Variants in BICRAL observed in about 807,000 individuals in gnomAD.
BICRAL encodes BRD4-interacting chromatin-remodeling complex-associated protein-like.
In BICRAL, 8 loss-of-function variants were observed where a neutral mutation model predicts 91.8. That is an observed-to-expected ratio of 0.09 (90% CI 0.05 to 0.16). The LOEUF (loss-of-function observed/expected upper bound fraction) is 0.16. BICRAL is among the 10% of genes least tolerant of loss of function. BICRAL has a pLI of 1.00. For synonymous variants in BICRAL, 445 were observed against 491.1 expected (o/e 0.91, Z 1.24); for missense variants, 1,038 against 1,310.9 (o/e 0.79, Z 3.21).
chr6:42,867,466 C>G lies in BICRAL; in HGVS notation c.*2020C>G, dbSNP rs1274849259. 1 of 152,760 alleles carries G rather than the reference C, an allele frequency of 6.5e-6. No homozygotes were observed. The highest frequency in any genetic ancestry group is 2.4e-5 in the African/African-American group (1 of 41,410). 9.5% of individuals were successfully genotyped at this position (152,760 alleles called of 1,614,324 possible). On this transcript the variant is annotated 3_prime_UTR_variant, in exon 13 of 13. Transcript: ENST00000314073. ...AGTTGGTACTTTCTGTTTGGGTAGT[C>G]CTAGGGTAACACCCTGCCCTAAACT...
chr6:42,825,111 T>C (rs536416174), intron 5 of BICRAL, among the ~76,000 whole-genome samples: 1 of 150,396 alleles, frequency 6.6e-6, no homozygotes, highest in Non-Finnish European at 1.5e-5. Context: ...ATGCAAAAAA[T>C]TAGCCGGGCG....
rs745695146 is a variant in BICRAL, at chr6:42,867,507, C to T, written c.*2061C>T. ...GCCCTAAACTCCATGATTTCATAGG[C>T]TTTTCTTCCCTTGGGGCTCATGCTC... is the stretch of plus-strand genomic sequence containing the variant. On this transcript the variant is annotated 3_prime_UTR_variant, in exon 13 of 13. Transcript: ENST00000314073. 2.6e-5 allele frequency: 4 copies of T among 152,572 alleles called. No homozygotes were observed. Among genetic ancestry groups the T allele is most frequent in the Non-Finnish European group, 5.9e-5 (4 of 68,040 alleles). 9.5% of individuals were successfully genotyped at this position (152,572 alleles called of 1,614,324 possible).
At position 42,802,425 on chromosome 6, in the gene BICRAL, T is replaced by TGTTG. The variant is rs1303116527; in HGVS notation, c.-101-7881_-101-7880insGTTG. ...TTGGCTCTTTCAGCTTTTCGTGTTTTTTTTTGTTGTTGTTGTTGTTGTTGT... is the reference window on the plus strand; with the variant it reads ...TTGGCTCTTTCAGCTTTTCGTGTTTTGTTGTTTTTGTTGTTGTTGTTGTTGTTGT... On this transcript the variant is annotated intron_variant, in intron 1 of 12. Coordinates refer to ENST00000314073, the MANE Select transcript of BICRAL (RefSeq NM_001393499.1). Among the ~76,000 whole-genome samples, 128 of 130,590 alleles carry TGTTG rather than the reference T, an allele frequency of 9.8e-4. 1 individual carries two copies. The highest frequency in any genetic ancestry group is 3.6e-3 in the African/African-American group (119 of 32,692). The allele number at this position is 130,590 out of a possible 152,430, so 85.7% of individuals were successfully genotyped here.
rs530634436 is a variant in BICRAL, at chr6:42,766,713, C to T, written c.-260-15126C>T. Among the ~76,000 whole-genome samples the T allele has an allele frequency of 3.9e-5, 6 of 151,960 alleles. 1 individual carries two copies. In the East Asian group the frequency reaches 1.2e-3, roughly 29 times the overall value. ...AATTAGCTGGGTGTGGTGGTGAGCA[C>T]CAGTAATCCGAGCTACTCGGGAGTC... On this transcript the variant is annotated intron_variant, in intron 1 of 14. Transcript: ENST00000614467.
At chr6:42,857,577 C>T (rs1259529901) in intron 10 of BICRAL, among the ~76,000 whole-genome samples, 1 of 128,950 alleles carries the variant, frequency 7.8e-6, no homozygotes, top group Non-Finnish European at 1.6e-5. Context: ...CCTGCCTGGG[C>T]AACATAGGGA....
intron 6 of BICRAL, among the ~76,000 whole-genome samples, chr6:42,838,965 A>C (rs1478526673): frequency 1.3e-5 from 2 of 151,766 alleles, no homozygotes; most frequent in Non-Finnish European, 2.9e-5. Flanking sequence ...TGTCTCAAAA[A>C]AATAAATAAC....
chr6:42,836,189 T>A (rs1764633213), intron 6 of BICRAL, among the ~76,000 whole-genome samples: 1 of 152,186 alleles, frequency 6.6e-6, no homozygotes, highest in Non-Finnish European at 1.5e-5. Flanking sequence ...ATTTTATATA[T>A]GTATGTATTG....
At position 42,845,222 on chromosome 6, in the gene BICRAL, T is replaced by G. The variant is rs1397568858; in HGVS notation, c.1840-6870T>G. ...TTTTTTTTTTTTTTTTTTTTTTTTT[T>G]TTTTTTTTTTTTTTTTTTTTTTTTT... On this transcript the variant is annotated intron_variant, in intron 6 of 12. Transcript: ENST00000314073. Among the ~76,000 whole-genome samples, 145 of 86,334 alleles carry G rather than the reference T, an allele frequency of 1.7e-3. 3 individuals carry two copies. The highest frequency in any genetic ancestry group is 6.4e-3 in the African/African-American group (105 of 16,324). The allele number at this position is 86,334 out of a possible 152,430, so 56.6% of individuals were successfully genotyped here. A position where few individuals can be genotyped will look rare whatever the true frequency, so the allele number is the denominator to read the frequency against.
chr6:42,783,022 A>T (rs1762969422), intron 1 of BICRAL, among the ~76,000 whole-genome samples: 1 of 150,774 alleles, frequency 6.6e-6, no homozygotes, highest in African/African-American at 2.4e-5. Flanking sequence ...GACGGGGTTT[A>T]TTTTTCATCC....
At chr6:42,767,907 A>G (rs539824343) in intron 1 of BICRAL, among the ~76,000 whole-genome samples, 245 of 152,286 alleles carry the variant, frequency 1.6e-3, no homozygotes, top group Non-Finnish European at 2.0e-3. Flanking sequence ...ACTTGGGAAT[A>G]ACACCGCATG....
chr6:42,762,160 T>C (rs998399800), intron 1 of BICRAL, among the ~76,000 whole-genome samples: 1 of 152,212 alleles, frequency 6.6e-6, no homozygotes, highest in African/African-American at 2.4e-5. Flanking sequence ...GGGCCCTTTA[T>C]TGATTCCCTT....
chr6:42,755,259 C>G (rs1762441687), intron 1 of BICRAL, among the ~76,000 whole-genome samples: 1 of 152,196 alleles, frequency 6.6e-6, no homozygotes, highest in African/African-American at 2.4e-5. Flanking sequence ...GTGGGGCAAT[C>G]TAAGCAGGAG....
At chr6:42,776,106 C>T (rs1402421145) in intron 1 of BICRAL, among the ~76,000 whole-genome samples, 1 of 152,166 alleles carries the variant, frequency 6.6e-6, no homozygotes, top group East Asian at 1.9e-4. Flanking sequence ...ACTGCAACCT[C>T]TGCTTCCTGG....
chr6:42,803,704 G>A (rs904302123), intron 1 of BICRAL, among the ~76,000 whole-genome samples: 8 of 152,194 alleles, frequency 5.3e-5, no homozygotes, highest in Non-Finnish European at 1.2e-4. Flanking sequence ...GTAAGCCAGT[G>A]GGGAAGTCAG....
At chr6:42,825,046 G>C (rs1027393865) in intron 5 of BICRAL, among the ~76,000 whole-genome samples, 24 of 152,038 alleles carry the variant, frequency 1.6e-4, no homozygotes, top group African/African-American at 5.8e-4. Context: ...AGACCACGAG[G>C]TCAGGAGTTC....
At position 42,834,114 on chromosome 6, in the gene BICRAL, G is replaced by A. The variant is rs57104704; in HGVS notation, c.1839+3942G>A. ...GGTGATCTGCCTGATTCGGCCTCCC[G>A]GAGTGCTGGTATAGGCATGAGCCAT... On this transcript the variant is annotated intron_variant, in intron 6 of 12. Transcript: ENST00000314073. 4.0e-3 allele frequency among the ~76,000 whole-genome samples: 602 copies of A among 152,312 alleles called. 4 individuals are homozygous for A. The highest frequency in any genetic ancestry group is 0.014 in the African/African-American group (567 of 41,570).
At chr6:42,751,350 G>A (rs908866112) in intron 1 of BICRAL, among the ~76,000 whole-genome samples, 1 of 152,016 alleles carries the variant, frequency 6.6e-6, no homozygotes, top group Non-Finnish European at 1.5e-5. Flanking sequence ...TTGGTCATTT[G>A]TTCAGTAGAG....
intron 1 of BICRAL, among the ~76,000 whole-genome samples, chr6:42,748,745 A>C (rs1762330517): frequency 6.6e-6 from 1 of 152,226 alleles, no homozygotes; most frequent in Admixed American, 6.5e-5. Context: ...CCCCCTGCAC[A>C]GCTGCAGGCT....
At chr6:42,773,640 G>A (rs752246312) in intron 1 of BICRAL, among the ~76,000 whole-genome samples, 5 of 152,040 alleles carry the variant, frequency 3.3e-5, no homozygotes, top group Non-Finnish European at 7.4e-5. Context: ...TCAGCATCCC[G>A]AGTAGCTGGG....
Sources: gnomAD v4.1 joint callset for allele counts (sites outside exome capture counted in the v4.1 genomes callset) on GRCh38, gnomAD v4.1.1 for gene constraint, MANE v1.5 for transcripts, NCBI Gene and HGNC (gene_info 2026-07-23, HGNC 2026-07-21) for gene names.